The following IGBP1C variants were observed in gnomAD, a reference collection of about 807,000 sequenced individuals.
IGBP1C encodes the protein IGBP1 family member C.
the IGBP1C span, among the ~76,000 whole-genome samples, chr17:58,690,853 A>T: frequency 6.6e-6 from 1 of 152,132 alleles, no homozygotes; most frequent in Non-Finnish European, 1.5e-5. Flanking sequence ...TCTTGGCTTT[A>T]AGAAAACTGT....
chr17:58,668,444 A>G, the IGBP1C span, among the ~76,000 whole-genome samples: 1 of 152,220 alleles, frequency 6.6e-6, no homozygotes, highest in Non-Finnish European at 1.5e-5. Flanking sequence ...AAGTAACTGG[A>G]GCCTGGGTCC....
the IGBP1C span, among the ~76,000 whole-genome samples, chr17:58,679,960 T>C: frequency 6.6e-6 from 1 of 152,172 alleles, no homozygotes; most frequent in African/African-American, 2.4e-5. Flanking sequence ...TTTCCTAGTA[T>C]GCTTGGTGAC....
chr17:58,664,457 T>C, the IGBP1C span, among the ~76,000 whole-genome samples: 1 of 152,234 alleles, frequency 6.6e-6, no homozygotes, highest in Non-Finnish European at 1.5e-5. Context: ...ACACCTGTTC[T>C]CAAGTCATTA....
At chr17:58,680,081 CTT>C in the IGBP1C span, among the ~76,000 whole-genome samples, 9 of 151,400 alleles carry the variant, frequency 5.9e-5, no homozygotes, top group Non-Finnish European at 1.2e-4. Flanking sequence ...TGTCTTTTTT[CTT>C]TTTTTTTCCC....
the IGBP1C span, among the ~76,000 whole-genome samples, chr17:58,682,081 T>C: frequency 2.6e-5 from 4 of 151,588 alleles, no homozygotes; most frequent in Non-Finnish European, 5.9e-5. Context: ...CCTGAGTAGC[T>C]GGGACTACAG....
At chr17:58,675,858 G>A in the IGBP1C span, among the ~76,000 whole-genome samples, 1 of 152,140 alleles carries the variant, frequency 6.6e-6, no homozygotes, top group Non-Finnish European at 1.5e-5. Flanking sequence ...CCAAAGGTAC[G>A]GTGATTACAA....
the IGBP1C span, among the ~76,000 whole-genome samples, chr17:58,677,300 C>G: frequency 6.6e-6 from 1 of 152,018 alleles, no homozygotes. Flanking sequence ...AATAAAAATG[C>G]TTAAAGGAAA....
the IGBP1C span, among the ~76,000 whole-genome samples, chr17:58,672,827 G>A: frequency 6.6e-6 from 1 of 152,028 alleles, no homozygotes; most frequent in South Asian, 2.1e-4. Flanking sequence ...TGCCTCCTGG[G>A]TTCAAGCGAT....
chr17:58,668,357 C>T, the IGBP1C span, among the ~76,000 whole-genome samples: 186 of 152,320 alleles, frequency 1.2e-3, no homozygotes, highest in Non-Finnish European at 2.0e-3. Flanking sequence ...AAGTGCACCT[C>T]TCCCAGCTAC....
the IGBP1C span, chr17:58,661,520 T>C: frequency 1.3e-6 from 1 of 779,976 alleles, no homozygotes; most frequent in South Asian, 1.3e-5. Context: ...TCCTTCGACT[T>C]CGTCCAGAAG....
the IGBP1C span, among the ~76,000 whole-genome samples, chr17:58,667,015 G>T: frequency 6.6e-6 from 1 of 152,188 alleles, no homozygotes; most frequent in Non-Finnish European, 1.5e-5. Flanking sequence ...TCGCGTCAAT[G>T]CAAGTGACGT....
At chr17:58,683,198 C>T in the IGBP1C span, among the ~76,000 whole-genome samples, 1 of 147,072 alleles carries the variant, frequency 6.8e-6, no homozygotes, top group East Asian at 2.1e-4. Context: ...CATAGCAAAA[C>T]CCCATCTCTA....
the IGBP1C span, among the ~76,000 whole-genome samples, chr17:58,675,109 G>A: frequency 1.3e-5 from 2 of 151,748 alleles, no homozygotes; most frequent in East Asian, 1.9e-4. Context: ...TTGTGCCATT[G>A]CACTCCAGCC....
At chr17:58,672,644 C>T in the IGBP1C span, among the ~76,000 whole-genome samples, 1 of 152,110 alleles carries the variant, frequency 6.6e-6, no homozygotes, top group African/African-American at 2.4e-5. Flanking sequence ...GGGGTTTCAC[C>T]ATGTTGGCCA....
the IGBP1C span, among the ~76,000 whole-genome samples, chr17:58,676,485 G>C: frequency 6.6e-5 from 10 of 151,630 alleles, no homozygotes; most frequent in Admixed American, 2.0e-4. Flanking sequence ...ACTTGAACCT[G>C]GGAGGCAGAG....
the IGBP1C span, among the ~76,000 whole-genome samples, chr17:58,683,513 A>G: frequency 6.6e-6 from 1 of 152,214 alleles, no homozygotes; most frequent in Non-Finnish European, 1.5e-5. Context: ...CTGTAATCCC[A>G]GCACTTTGGG....
the IGBP1C span, among the ~76,000 whole-genome samples, chr17:58,687,479 G>A: frequency 6.6e-6 from 1 of 151,826 alleles, no homozygotes; most frequent in East Asian, 1.9e-4. Context: ...AACAGAATCG[G>A]GTGCTCTACC....
the IGBP1C span, among the ~76,000 whole-genome samples, chr17:58,685,210 G>A: frequency 6.6e-6 from 1 of 151,956 alleles, no homozygotes; most frequent in Non-Finnish European, 1.5e-5. Context: ...GAGGTGGGTG[G>A]ATCACCTGAG....
the IGBP1C span, among the ~76,000 whole-genome samples, chr17:58,689,525 A>T: frequency 2.0e-5 from 3 of 152,082 alleles, no homozygotes; most frequent in Admixed American, 6.6e-5. Context: ...GGCCTACCCC[A>T]TGTTTTATTA....
Sources: gnomAD v4.1 joint callset for allele counts (sites outside exome capture counted in the v4.1 genomes callset) on GRCh38, gnomAD v4.1.1 for gene constraint, MANE v1.5 for transcripts, NCBI Gene and HGNC (gene_info 2026-07-23, HGNC 2026-07-21) for gene names.